Variants in FIGLA observed in about 807,000 individuals in gnomAD.
The protein encoded by FIGLA is factor in the germline alpha.
Under a neutral mutation model 21.5 loss-of-function variants are expected in FIGLA, and 17 were observed. That is an observed-to-expected ratio of 0.79 (90% CI 0.54 to 1.19). The LOEUF is 1.19. Ranked by LOEUF, FIGLA falls within the 50% of genes most tolerant of loss-of-function variation. The pLI is 0.00. For synonymous variants in FIGLA, 129 were observed against 117.6 expected (o/e 1.10, Z -0.63); for missense variants, 282 against 285.0 (o/e 0.99, Z 0.08).
chr2:70,785,675 T>C (rs372702353), intron 2 of FIGLA, 36 bp from the exon 3 acceptor site: 150 of 1,515,310 alleles, frequency 9.9e-5, no homozygotes, highest in Non-Finnish European at 1.1e-4. Flanking sequence ...CAGTATAATA[T>C]GACAGAAAGA....
chr2:70,777,440 G>T (rs781881751), intron 4 of FIGLA, 58 bp from the exon 5 acceptor site: 123 of 1,365,286 alleles, frequency 9.0e-5, no homozygotes, highest in Non-Finnish European at 1.2e-4. Context: ...GTTTACAAAA[G>T]AAATAAAGAA....
chr2:70,784,988 T>A (rs1675920415), intron 3 of FIGLA, among the ~76,000 whole-genome samples: 1 of 151,436 alleles, frequency 6.6e-6, no homozygotes, highest in Non-Finnish European at 1.5e-5. Context: ...TCTTTATGTA[T>A]GGCAAGCTAC....
chr2:70,788,041 C>T (rs1185847219), intron 1 of FIGLA, among the ~76,000 whole-genome samples: 1 of 152,158 alleles, frequency 6.6e-6, no homozygotes, highest in Non-Finnish European at 1.5e-5. Flanking sequence ...TCATGCTGAG[C>T]TCACTCCTCT....
chr2:70,779,001 A>G (rs1341733855), intron 3 of FIGLA, among the ~76,000 whole-genome samples: 3 of 152,178 alleles, frequency 2.0e-5, no homozygotes, highest in Non-Finnish European at 4.4e-5. Context: ...CTGAAAAGCA[A>G]GGCTCTTTCC....
intron 3 of FIGLA, among the ~76,000 whole-genome samples, chr2:70,783,093 G>C (rs1230926915): frequency 6.6e-6 from 1 of 151,690 alleles, no homozygotes; most frequent in African/African-American, 2.4e-5. Context: ...AATGTGAAAG[G>C]ATGAAAAATC....
rs545608217 is a variant in FIGLA at position 70,778,454 on chromosome 2, T to C, written c.610-783A>G. 3.9e-5 allele frequency among the ~76,000 whole-genome samples: 6 copies of C among 152,216 alleles called. No individual in the cohort carries two copies. In the East Asian group the frequency reaches 1.2e-3, roughly 29 times the overall value. On this transcript the variant is annotated intron_variant, in intron 3 of 4. Transcript: ENST00000332372. Reference sequence around the variant, plus strand: ...CAAGTGATCAACATTTCTTTCTTTTTATAGTTCAGACCTAGCTTTGGAAGC... The same window carrying C: ...CAAGTGATCAACATTTCTTTCTTTTCATAGTTCAGACCTAGCTTTGGAAGC...
intron 2 of FIGLA, among the ~76,000 whole-genome samples, 153 bp downstream of exon 2, chr2:70,787,496 T>G (rs1232976562): frequency 6.6e-6 from 1 of 152,212 alleles, no homozygotes; most frequent in Non-Finnish European, 1.5e-5. Context: ...TATATTTTGG[T>G]TTCCTTCTCT....
At chr2:70,778,106 C>G (rs541564143) in intron 3 of FIGLA, among the ~76,000 whole-genome samples, 1 of 152,184 alleles carries the variant, frequency 6.6e-6, no homozygotes, top group Non-Finnish European at 1.5e-5. Flanking sequence ...TTAACTTAGC[C>G]TTAAACATTT....
chr2:70,785,412 T>C lies in FIGLA; in HGVS notation c.609+3A>G. On this transcript the variant is annotated splice_donor_region_variant and intron_variant, in intron 3 of 4. Coordinates refer to ENST00000332372, the MANE Select transcript of FIGLA (RefSeq NM_001004311.3). ...TATGGGTATTTAAGAAGGAATATTT[T>C]ACCAGACTTCTGGTTGGGGAGATAA... The C allele has an allele frequency of 1.2e-6, 2 of 1,607,186 alleles. No individual in the cohort carries two copies. Among genetic ancestry groups the C allele is most frequent in the South Asian group, 1.1e-5 (1 of 90,756 alleles).
At chr2:70,782,338 C>T (rs948055716) in intron 3 of FIGLA, among the ~76,000 whole-genome samples, 50 of 152,146 alleles carry the variant, frequency 3.3e-4, no homozygotes, top group Non-Finnish European at 4.6e-4. Flanking sequence ...TGAATCTAAT[C>T]GAAAGGAAAC....
intron 3 of FIGLA, among the ~76,000 whole-genome samples, chr2:70,780,603 G>A (rs1376656653): frequency 6.6e-6 from 1 of 152,110 alleles, no homozygotes; most frequent in Admixed American, 6.5e-5. Context: ...AGTTAATAAA[G>A]GTGATATTGA....
intron 1 of FIGLA, 149 bp downstream of exon 1, chr2:70,790,259 T>G: frequency 2.8e-6 from 2 of 703,186 alleles, no homozygotes; most frequent in Non-Finnish European, 2.2e-6. Flanking sequence ...ACTGCCATTC[T>G]CCTGACAAGC....
At chr2:70,784,081 G>A (rs77403311) in intron 3 of FIGLA, among the ~76,000 whole-genome samples, 3,666 of 151,358 alleles carry the variant, frequency 0.024, 145 homozygotes, top group African/African-American at 0.086. Context: ...ACTGGCCAGC[G>A]AAATCTTATA....
intron 3 of FIGLA, among the ~76,000 whole-genome samples, chr2:70,778,298 T>C (rs1675796970): frequency 6.6e-6 from 1 of 152,160 alleles, no homozygotes; most frequent in Non-Finnish European, 1.5e-5. Context: ...TGGATATAAT[T>C]GTTTGTATAG....
chr2:70,777,376 T>C lies in FIGLA; in HGVS notation c.651A>G (p.Pro217=). ...PEVELLSHRL[P]QV ...TGGGCCTTTTCATTTTTCATACTTG[T>C]GGAAGTCTGAAACAGAGAAAACATT... Residue 217 remains proline, a synonymous_variant, in exon 5 of 5, where the codon CCA becomes CCG. Coordinates refer to ENST00000332372, the MANE Select transcript of FIGLA (RefSeq NM_001004311.3). The C allele has an allele frequency of 6.7e-7, 1 of 1,495,676 alleles. No homozygotes were observed. The highest frequency in any genetic ancestry group is 8.9e-7 in the Non-Finnish European group (1 of 1,118,082). The allele number at this position is 1,495,676 out of a possible 1,614,324, so 92.7% of individuals were successfully genotyped here.
intron 3 of FIGLA, among the ~76,000 whole-genome samples, chr2:70,780,649 G>C (rs1164874360): frequency 2.0e-5 from 3 of 152,188 alleles, no homozygotes; most frequent in African/African-American, 7.2e-5. Flanking sequence ...AAAGATCTCA[G>C]AGATAAATGT....
chr2:70,784,985 G>C (rs905731402), intron 3 of FIGLA, among the ~76,000 whole-genome samples: 1 of 149,988 alleles, frequency 6.7e-6, no homozygotes, highest in Non-Finnish European at 1.5e-5. Context: ...GCATCTTTAT[G>C]TATGGCAAGC....
intron 3 of FIGLA, among the ~76,000 whole-genome samples, chr2:70,780,665 A>G (rs1422626089): frequency 2.0e-5 from 3 of 152,226 alleles, no homozygotes; most frequent in Non-Finnish European, 4.4e-5. Context: ...AATGTTAACA[A>G]AGAGAAAACT....
chr2:70,783,056 CAAA>C (rs60009932), intron 3 of FIGLA, among the ~76,000 whole-genome samples: 61,943 of 124,070 alleles, frequency 0.5, 13,568 homozygotes, highest in East Asian at 0.72. Context: ...GACTCTGTCT[CAAA>C]AAAAAAAAAA....
Sources: allele counts gnomAD v4.1 joint callset (sites outside exome capture counted in the v4.1 genomes callset), GRCh38; gene constraint gnomAD v4.1.1; transcripts MANE v1.5; gene names NCBI Gene and HGNC (gene_info 2026-07-23, HGNC 2026-07-21).